COL22A1: variants seen among roughly 807,000 people sequenced by gnomAD.
COL22A1 encodes collagen type XXII alpha 1 chain, also known as collagen alpha-1(XXII) chain.
Under a neutral mutation model 248.9 loss-of-function variants are expected in COL22A1, and 221 were observed. The ratio of observed to expected loss-of-function variants is 0.89; its 90% CI spans 0.80 to 0.99. The LOEUF (loss-of-function observed/expected upper bound fraction) is 0.99. Ranked by LOEUF, COL22A1 falls within the 50% of genes least tolerant of loss-of-function variation. The pLI, the probability that COL22A1 is intolerant of heterozygous loss-of-function variation, is 0.00. For synonymous variants in COL22A1, 891 were observed against 793.4 expected (o/e 1.12, Z -2.07); for missense variants, 2,240 against 2,179.0 (o/e 1.03, Z -0.56).
chr8:138,792,530 G>C (rs979738900), intron 12 of COL22A1, among the ~76,000 whole-genome samples: 2 of 152,208 alleles, frequency 1.3e-5, no homozygotes, highest in African/African-American at 2.4e-5. Flanking sequence ...TGGGCCCAGG[G>C]AGAAAAGAGC....
chr8:138,684,436 G>A lies in COL22A1; in HGVS notation c.3001C>T (p.Leu1001=). 3 of 1,610,858 alleles carry A rather than the reference G, an allele frequency of 1.9e-6. No homozygotes were observed. Among genetic ancestry groups the A allele is most frequent in the Non-Finnish European group, 2.5e-6 (3 of 1,177,094 alleles). ...GGACAAGCACTCACCTTGGTTCCTAGGGGTCCAGGGAGTCCAGGTGATCCA... is the reference window on the plus strand; with the variant it reads ...GGACAAGCACTCACCTTGGTTCCTAAGGGTCCAGGGAGTCCAGGTGATCCA... The part of the protein sequence containing the change: ...LRGSPGLPGP[L]GTKAACGKVR... Residue 1001 remains leucine (L), a synonymous_variant, in exon 39 of 65, where the codon CTA becomes TTA. Transcript: ENST00000303045.
intron 22 of COL22A1, among the ~76,000 whole-genome samples, chr8:138,747,530 C>T (rs1832223095): frequency 6.6e-6 from 1 of 152,120 alleles, no homozygotes; most frequent in African/African-American, 2.4e-5. Flanking sequence ...TGCGCCTGCC[C>T]CAGGACCTCT....
chr8:138,630,869 T>TCAACA, intron 49 of COL22A1, 121 bp from the exon 50 acceptor site: 1 of 869,840 alleles, frequency 1.1e-6, no homozygotes, highest in Non-Finnish European at 1.9e-6. Flanking sequence ...AAATCTCATG[T>TCAACA]TGAAATGTGA....
chr8:138,728,497 G>A (rs1156743435), intron 23 of COL22A1, among the ~76,000 whole-genome samples: 1 of 151,976 alleles, frequency 6.6e-6, no homozygotes, highest in Non-Finnish European at 1.5e-5. Flanking sequence ...AGTGTTTTAT[G>A]CTTTTTCAAA....
intron 1 of COL22A1, among the ~76,000 whole-genome samples, chr8:138,891,022 A>T (rs1212282016): frequency 1.3e-5 from 2 of 149,688 alleles, no homozygotes; most frequent in Non-Finnish European, 3.0e-5. Flanking sequence ...ACTCCGTATA[A>T]AAAAAAAAAG....
intron 3 of COL22A1, 77 bp downstream of exon 3, chr8:138,877,673 G>A: frequency 1.4e-6 from 2 of 1,407,516 alleles, no homozygotes; most frequent in Non-Finnish European, 1.9e-6. Context: ...ATCCCTATCT[G>A]CCCGAGGACC....
chr8:138,692,668 A>G (rs893115307), intron 35 of COL22A1, among the ~76,000 whole-genome samples: 3 of 152,106 alleles, frequency 2.0e-5, no homozygotes, highest in African/African-American at 7.2e-5. Flanking sequence ...GAGGCTGCCC[A>G]TGTTTCCTCC....
chr8:138,670,201 A>G (rs1441957379), intron 41 of COL22A1, among the ~76,000 whole-genome samples: 1 of 152,168 alleles, frequency 6.6e-6, no homozygotes, highest in Non-Finnish European at 1.5e-5. Flanking sequence ...GAGACTTTAT[A>G]TAAAAACCAA....
At chr8:138,781,583 A>G (rs1184190054) in intron 12 of COL22A1, among the ~76,000 whole-genome samples, 1 of 152,226 alleles carries the variant, frequency 6.6e-6, no homozygotes, top group Admixed American at 6.5e-5. Flanking sequence ...AATCTCATGC[A>G]GACACACATG....
intron 9 of COL22A1, among the ~76,000 whole-genome samples, chr8:138,809,528 C>CTTTTTTTTTTTTTTTTTTTTTTTTTTT (rs71518485): frequency 1.7e-4 from 20 of 117,670 alleles, no homozygotes; most frequent in South Asian, 3.0e-4. Flanking sequence ...TTTTCTTTTT[C>CTTTTTTTTTTTTTTTTTTTTTTTTTTT]TTTTTTTTTT....
chr8:138,676,707 A>G (rs1825585920), intron 40 of COL22A1, 72 bp from the exon 41 acceptor site: 1 of 1,125,144 alleles, frequency 8.9e-7, no homozygotes, highest in Admixed American at 2.2e-5. Flanking sequence ...AAAATGAATC[A>G]TGCTTCTTCT....
intron 4 of COL22A1, among the ~76,000 whole-genome samples, chr8:138,839,944 G>A (rs1011724567): frequency 2.6e-5 from 4 of 152,316 alleles, no homozygotes; most frequent in South Asian, 4.1e-4. Context: ...GAGGCTCAGA[G>A]AAGTCAAAAG....
At chr8:138,718,392 A>C (rs2131113167) in intron 27 of COL22A1, among the ~76,000 whole-genome samples, 1 of 152,306 alleles carries the variant, frequency 6.6e-6, no homozygotes, top group East Asian at 1.9e-4. Flanking sequence ...AGAAAGGATA[A>C]GGGGCTGAGT....
intron 4 of COL22A1, among the ~76,000 whole-genome samples, chr8:138,836,298 G>GGAAAGA (rs1311891299): frequency 2.0e-5 from 3 of 151,530 alleles, no homozygotes; most frequent in African/African-American, 7.3e-5. Context: ...GAAAAGGAAA[G>GGAAAGA]GAAAGGGAAA....
At chr8:138,819,301 C>A (rs1348031910) in intron 7 of COL22A1, among the ~76,000 whole-genome samples, 1 of 151,848 alleles carries the variant, frequency 6.6e-6, no homozygotes, top group African/African-American at 2.4e-5. Flanking sequence ...AATTAGTATA[C>A]AAAATATGTA....
intron 39 of COL22A1, 83 bp downstream of exon 39, chr8:138,684,342 G>T: frequency 1.2e-6 from 1 of 869,284 alleles, no homozygotes; most frequent in Non-Finnish European, 2.0e-6. Flanking sequence ...TGAGGTAACC[G>T]GAGATGCTTA....
intron 33 of COL22A1, 84 bp from the exon 34 acceptor site, chr8:138,694,645 G>T: frequency 1.4e-6 from 2 of 1,468,130 alleles, no homozygotes; most frequent in Non-Finnish European, 1.9e-6. Context: ...GTTGCAATGG[G>T]TATAATTTGA....
At chr8:138,601,607 G>GA (rs76531503) in intron 60 of COL22A1, among the ~76,000 whole-genome samples, 2 of 151,590 alleles carry the variant, frequency 1.3e-5, no homozygotes, top group African/African-American at 4.8e-5. Context: ...AGAAAAAAAA[G>GA]AAAAAAAAGT....
intron 41 of COL22A1, among the ~76,000 whole-genome samples, chr8:138,673,010 G>C (rs1386438214): frequency 6.6e-6 from 1 of 152,138 alleles, no homozygotes; most frequent in Admixed American, 6.5e-5. Flanking sequence ...ATTTTTGTTT[G>C]TTTGTTAATA....
Sources: gnomAD v4.1 joint callset for allele counts (sites outside exome capture counted in the v4.1 genomes callset) on GRCh38, gnomAD v4.1.1 for gene constraint, MANE v1.5 for transcripts, NCBI Gene and HGNC (gene_info 2026-07-23, HGNC 2026-07-21) for gene names.